Variants in DOCK3 observed in about 807,000 individuals in gnomAD.
The protein encoded by DOCK3 is dedicator of cytokinesis protein 3.
Under a neutral mutation model 265.6 loss-of-function variants are expected in DOCK3, and 60 were observed. The observed-to-expected ratio is 0.23, with a 90% CI of 0.18 to 0.28. The LOEUF (loss-of-function observed/expected upper bound fraction) is 0.28. DOCK3 is among the 10% of genes least tolerant of loss of function. The pLI is 1.00. For missense variants in DOCK3, 1,981 were observed against 2,594.3 expected (o/e 0.76, Z 5.14); for synonymous variants, 881 against 938.0 (o/e 0.94, Z 1.11).
chr3:50,918,650 C>T (rs189669037), intron 4 of DOCK3, among the ~76,000 whole-genome samples: 166 of 152,162 alleles, frequency 1.1e-3, no homozygotes, highest in South Asian at 3.5e-3. Context: ...TTTGTAGATT[C>T]TGGATATTAG....
Position 50,889,843 on chromosome 3 carries a change from A to G in DOCK3, c.163-183A>G, listed in dbSNP as rs769047345. Among the ~76,000 whole-genome samples, 50 of 152,230 alleles carry G rather than the reference A, an allele frequency of 3.3e-4. 1 individual carries two copies. Among genetic ancestry groups the G allele is most frequent in the Admixed American group, 1.1e-3 (17 of 15,256 alleles). On this transcript the variant is annotated intron_variant, in intron 3 of 52. Transcript: ENST00000266037. Reference sequence around the variant, plus strand: ...TCTCCTGAGGATAGATTTTGATTGCATATGGCCGTGAAATTCCTACCTAAT... The same window carrying G: ...TCTCCTGAGGATAGATTTTGATTGCGTATGGCCGTGAAATTCCTACCTAAT...
At chr3:51,266,849 C>G (rs1371461729) in intron 23 of DOCK3, among the ~76,000 whole-genome samples, 3 of 152,186 alleles carry the variant, frequency 2.0e-5, no homozygotes, top group Non-Finnish European at 4.4e-5. Context: ...AACTAAAGAG[C>G]TTCTGCACAG....
In DOCK3 at chr3:51,139,258, G is replaced by C. The variant is rs527539741; in HGVS notation, c.747-7291G>C. On this transcript the variant is annotated intron_variant, in intron 9 of 52. Coordinates refer to ENST00000266037, the MANE Select transcript of DOCK3 (RefSeq NM_004947.5). ...CATGGCTCCACTCAACTGCAGTGGG[G>C]GGAGGGCTAAGATGTATACTCTAGC... 1.3e-4 allele frequency among the ~76,000 whole-genome samples: 20 copies of C among 150,362 alleles called. No individual in the cohort carries two copies. The East Asian group carries it at 3.1e-3, about 24-fold the overall frequency.
intron 2 of DOCK3, among the ~76,000 whole-genome samples, chr3:50,816,323 CTTT>C (rs68016163): frequency 7.9e-5 from 7 of 88,716 alleles, no homozygotes; most frequent in Non-Finnish European, 7.2e-5. Flanking sequence ...TCTTGTAACT[CTTT>C]TTTTTTTTTT....
intron 3 of DOCK3, among the ~76,000 whole-genome samples, chr3:50,845,609 T>G: frequency 6.6e-6 from 1 of 151,914 alleles, no homozygotes; most frequent in East Asian, 1.9e-4. Flanking sequence ...GCCAAAGAAA[T>G]CTAAGGAATT....
chr3:50,694,421 G>GTATTT (rs1391465708), intron 1 of DOCK3, among the ~76,000 whole-genome samples: 1 of 152,204 alleles, frequency 6.6e-6, no homozygotes, highest in African/African-American at 2.4e-5. Flanking sequence ...CCAGAAAAGT[G>GTATTT]TATTTTAGTT....
chr3:51,146,306 A>G (rs1382457519), intron 9 of DOCK3, among the ~76,000 whole-genome samples: 1 of 152,198 alleles, frequency 6.6e-6, no homozygotes, highest in Non-Finnish European at 1.5e-5. Flanking sequence ...CTTCAAACAG[A>G]TAAAACACAC....
intron 27 of DOCK3, among the ~76,000 whole-genome samples, chr3:51,296,361 A>G (rs570863733): frequency 2.0e-5 from 3 of 152,232 alleles, no homozygotes; most frequent in African/African-American, 7.2e-5. Context: ...AAAGATTCAC[A>G]GTTCCCATTT....
intron 31 of DOCK3, among the ~76,000 whole-genome samples, chr3:51,313,840 G>A (rs922113755): frequency 5.3e-5 from 8 of 152,108 alleles, no homozygotes; most frequent in African/African-American, 1.9e-4. Flanking sequence ...AGCACAGTTT[G>A]GAAATGGATT....
intron 21 of DOCK3, among the ~76,000 whole-genome samples, chr3:51,238,272 A>G (rs1488768973): frequency 6.6e-6 from 1 of 151,298 alleles, no homozygotes; most frequent in African/African-American, 2.4e-5. Flanking sequence ...CCTCCCGAGT[A>G]GCTGGGACTG....
intron 12 of DOCK3, among the ~76,000 whole-genome samples, chr3:51,173,314 T>C (rs2086782387): frequency 6.6e-6 from 1 of 152,042 alleles, no homozygotes; most frequent in South Asian, 2.1e-4. Flanking sequence ...AGAGACTGGG[T>C]CATATACCAT....
chr3:51,312,280 T>G (rs2083110757), intron 29 of DOCK3, among the ~76,000 whole-genome samples, 196 bp from the exon 30 acceptor site: 1 of 151,994 alleles, frequency 6.6e-6, no homozygotes, highest in African/African-American at 2.4e-5. Flanking sequence ...TAGTCCAGAA[T>G]CAACACAATT....
intron 10 of DOCK3, among the ~76,000 whole-genome samples, chr3:51,156,923 CA>C (rs995225864): frequency 6.6e-6 from 1 of 152,138 alleles, no homozygotes; most frequent in African/African-American, 2.4e-5. Context: ...CTATATCCTT[CA>C]GTAATCAACA....
At chr3:51,118,268 T>C (rs1311294338) in intron 9 of DOCK3, among the ~76,000 whole-genome samples, 5 of 152,198 alleles carry the variant, frequency 3.3e-5, no homozygotes, top group Admixed American at 3.3e-4. Flanking sequence ...TTGTGCAGTT[T>C]TGAGTGAGTT....
At chr3:51,347,320 G>A (rs2085654819) in intron 38 of DOCK3, among the ~76,000 whole-genome samples, 1 of 152,166 alleles carries the variant, frequency 6.6e-6, no homozygotes, top group South Asian at 2.1e-4. Flanking sequence ...TTTGTACGAG[G>A]TGTAAGGAAG....
chr3:51,183,005 C>CTGGT (rs1366367015), intron 12 of DOCK3, among the ~76,000 whole-genome samples: 10 of 152,172 alleles, frequency 6.6e-5, no homozygotes, highest in African/African-American at 2.4e-4. Context: ...ATGTATGCAT[C>CTGGT]TGGTTTCCTC....
intron 10 of DOCK3, among the ~76,000 whole-genome samples, chr3:51,158,174 A>G (rs1449154320): frequency 6.6e-6 from 1 of 152,202 alleles, no homozygotes; most frequent in Non-Finnish European, 1.5e-5. Flanking sequence ...AATTTTTGTT[A>G]TTTCAAGTAC....
At chr3:51,276,987 T>C (rs2080850615) in intron 25 of DOCK3, among the ~76,000 whole-genome samples, 1 of 152,158 alleles carries the variant, frequency 6.6e-6, no homozygotes, top group Non-Finnish European at 1.5e-5. Context: ...AAAGATGCAC[T>C]GAGGCTGGAG....
chr3:51,203,816 G>T (rs1010996131), intron 12 of DOCK3, among the ~76,000 whole-genome samples: 12 of 152,226 alleles, frequency 7.9e-5, no homozygotes, highest in African/African-American at 2.9e-4. Flanking sequence ...CCAAAACAGA[G>T]ATATAGATCA....
Sources: allele counts gnomAD v4.1 joint callset (sites outside exome capture counted in the v4.1 genomes callset), GRCh38; gene constraint gnomAD v4.1.1; transcripts MANE v1.5; gene names NCBI Gene and HGNC (gene_info 2026-07-23, HGNC 2026-07-21).